Variants in NVL observed in about 807,000 individuals in gnomAD.
The protein encoded by NVL is nuclear VCP like.
NVL carries 84 observed loss-of-function variants against 110.2 expected under a neutral mutation model. The observed-to-expected ratio is 0.76, with a 90% CI of 0.64 to 0.91. The LOEUF is 0.91. Among genes scored for constraint, NVL ranks in the 40% least tolerant of loss-of-function variants. NVL has a pLI of 0.00. For missense variants in NVL, 882 were observed against 1,035.9 expected, an observed-to-expected ratio of 0.85 and a Z score of 2.04; for synonymous variants, 354 against 361.1, an observed-to-expected ratio of 0.98 and a Z score of 0.22.
chr1:224,325,780 A>T (rs771248148), intron 2 of NVL, among the ~76,000 whole-genome samples: 36 of 151,942 alleles, frequency 2.4e-4, no homozygotes, highest in Non-Finnish European at 4.0e-4. Flanking sequence ...CCTGCTGGTG[A>T]TGGTTTTAAT....
At chr1:224,287,706 T>A in intron 14 of NVL, 69 bp downstream of exon 14, 1 of 1,313,348 alleles carries the variant, frequency 7.6e-7, no homozygotes, top group South Asian at 1.2e-5. Context: ...CTAGTACACA[T>A]GCATGGAGCT....
chr1:224,281,280 TGTGC>T (rs1666286350), intron 15 of NVL, 95 bp from the exon 16 acceptor site: 9 of 772,136 alleles, frequency 1.2e-5, no homozygotes, highest in African/African-American at 3.0e-5. Flanking sequence ...AAGGACTCTG[TGTGC>T]GTGTGTGTGT....
intron 22 of NVL, 164 bp from the exon 23 acceptor site, chr1:224,227,834 C>T (rs1047024676): frequency 4.2e-6 from 2 of 471,692 alleles, no homozygotes; most frequent in African/African-American, 4.0e-5. Context: ...AAAATGAGGT[C>T]ATACAGGTAG....
chr1:224,319,302 T>A (rs1275612518), intron 2 of NVL, among the ~76,000 whole-genome samples: 1 of 151,854 alleles, frequency 6.6e-6, no homozygotes, highest in Admixed American at 6.6e-5. Context: ...ATAGTTGTTT[T>A]TCTTTCTTTC....
intron 22 of NVL, among the ~76,000 whole-genome samples, chr1:224,230,741 C>T (rs752995712): frequency 2.3e-4 from 35 of 152,186 alleles, no homozygotes; most frequent in Non-Finnish European, 4.0e-4. Context: ...CTCTCAAGAA[C>T]ATTCTCACAA....
intron 15 of NVL, among the ~76,000 whole-genome samples, chr1:224,284,773 C>A (rs1209314006): frequency 6.6e-6 from 1 of 152,124 alleles, no homozygotes; most frequent in Non-Finnish European, 1.5e-5. Flanking sequence ...ATGTTCATGG[C>A]CATCACTAGT....
chr1:224,249,119 T>A (rs1662180017), intron 19 of NVL, among the ~76,000 whole-genome samples: 1 of 151,850 alleles, frequency 6.6e-6, no homozygotes, highest in Admixed American at 6.6e-5. Context: ...TAGTTCCAGG[T>A]AGTGAGAAGT....
chr1:224,236,916 T>G (rs1215911971), intron 19 of NVL, among the ~76,000 whole-genome samples: 1 of 152,096 alleles, frequency 6.6e-6, no homozygotes, highest in African/African-American at 2.4e-5. Context: ...GTCTCAAAGA[T>G]AAAGACCATA....
At chr1:224,307,493 A>G (rs1669045343) in intron 6 of NVL, among the ~76,000 whole-genome samples, 1 of 152,222 alleles carries the variant, frequency 6.6e-6, no homozygotes, top group South Asian at 2.1e-4. Flanking sequence ...CTTGACCCCA[A>G]GAGTTCAAGA....
chr1:224,232,744 G>A (rs918824566), intron 21 of NVL, among the ~76,000 whole-genome samples: 1 of 152,090 alleles, frequency 6.6e-6, no homozygotes, highest in African/African-American at 2.4e-5. Context: ...CTTTTGAGAT[G>A]GCCCCAAAGC....
At chr1:224,328,692 G>C (rs1671388047) in intron 1 of NVL, among the ~76,000 whole-genome samples, 2 of 152,086 alleles carry the variant, frequency 1.3e-5, no homozygotes, top group Non-Finnish European at 2.9e-5. Flanking sequence ...GGAAATGAAA[G>C]ACTCAGAATG....
intron 18 of NVL, among the ~76,000 whole-genome samples, chr1:224,264,797 G>A (rs1169860696): frequency 6.6e-6 from 1 of 152,164 alleles, no homozygotes; most frequent in Non-Finnish European, 1.5e-5. Flanking sequence ...CTGGAGTGCA[G>A]TGGTGCAATC....
At chr1:224,288,824 T>C (rs1167519980) in intron 13 of NVL, among the ~76,000 whole-genome samples, 1 of 152,194 alleles carries the variant, frequency 6.6e-6, no homozygotes, top group African/African-American at 2.4e-5. Context: ...TAAAATGCTA[T>C]ATGAAATGAT....
At chr1:224,301,198 A>G (rs1668372654) in intron 9 of NVL, among the ~76,000 whole-genome samples, 1 of 151,938 alleles carries the variant, frequency 6.6e-6, no homozygotes, top group South Asian at 2.1e-4. Flanking sequence ...ATAAAATTCT[A>G]TTATCTTTTC....
chr1:224,313,508 T>A (rs574041628), intron 4 of NVL, among the ~76,000 whole-genome samples: 1 of 152,024 alleles, frequency 6.6e-6, no homozygotes, highest in African/African-American at 2.4e-5. Context: ...AAGCGAAAAT[T>A]AAAAAAGAAG....
rs774568676 is a variant in NVL, at chr1:224,287,929, T to C, written c.1640A>G (p.Gln547Arg). 2 of 1,613,992 alleles carry C rather than the reference T, an allele frequency of 1.2e-6. No homozygotes were observed. The highest frequency in any genetic ancestry group is 3.4e-4 in the Middle Eastern group (2 of 5,916). ...DQDPLSEEQM[Q>R]GLCIELNDFI... The stretch of plus-strand genomic sequence containing the variant: ...ATCATTCAGTTCAATGCACAGTCCT[T>C]GCATCTGCTCCTCTGAGAGGGGATC... Residue 547 changes from glutamine (Q) to arginine (R), a missense_variant, in exon 14 of 23, where the codon CAA becomes CGA. Around this residue, in one of 4 missense-constraint regions of NVL, gnomAD observed 416 missense variants for 499.3 expected, o/e 0.83. Coordinates refer to ENST00000281701, the MANE Select transcript of NVL (RefSeq NM_002533.4).
chr1:224,330,015 C>T (rs561048245), intron 1 of NVL, 56 bp downstream of exon 1: 25 of 1,557,958 alleles, frequency 1.6e-5, no homozygotes, highest in Non-Finnish European at 2.1e-5. Context: ...AGGGGAGTGG[C>T]ACCCTGGGGC....
chr1:224,264,755 T>A (rs998703463), intron 18 of NVL, among the ~76,000 whole-genome samples: 3 of 151,970 alleles, frequency 2.0e-5, no homozygotes, highest in African/African-American at 7.3e-5. Context: ...TATTATTATT[T>A]TTTGAGACAG....
At chr1:224,272,085 T>C (rs1665174224) in intron 17 of NVL, among the ~76,000 whole-genome samples, 1 of 151,206 alleles carries the variant, frequency 6.6e-6, no homozygotes, top group Non-Finnish European at 1.5e-5. Context: ...CCTGTAATCC[T>C]AGCACTTTGG....
Sources: gnomAD v4.1 joint callset for allele counts (sites outside exome capture counted in the v4.1 genomes callset) on GRCh38, gnomAD v4.1.1 for gene constraint, gnomAD v4.1.1 regional missense constraint, MANE v1.5 for transcripts, NCBI Gene and HGNC (gene_info 2026-07-23, HGNC 2026-07-21) for gene names.